Variants in CDKAL1 observed in about 807,000 individuals in gnomAD.
CDKAL1 encodes CDKAL1 threonylcarbamoyladenosine tRNA methylthiotransferase, also known as threonylcarbamoyladenosine tRNA methylthiotransferase.
CDKAL1 carries 32 observed loss-of-function variants against 68.2 expected under a neutral mutation model. The ratio of observed to expected loss-of-function variants is 0.47; its 90% CI spans 0.35 to 0.63. The LOEUF is 0.63. Among genes scored for constraint, CDKAL1 ranks in the 30% least tolerant of loss-of-function variants. The pLI is 0.00. For missense variants in CDKAL1, 606 were observed against 696.7 expected, an observed-to-expected ratio of 0.87 and a Z score of 1.47; for synonymous variants, 234 against 244.3, an observed-to-expected ratio of 0.96 and a Z score of 0.39.
At chr6:21,154,485 C>A (rs1195342801) in intron 13 of CDKAL1, among the ~76,000 whole-genome samples, 1 of 152,150 alleles carries the variant, frequency 6.6e-6, no homozygotes, top group Non-Finnish European at 1.5e-5. Flanking sequence ...TTATCAATAT[C>A]TGGATATATT....
intron 13 of CDKAL1, among the ~76,000 whole-genome samples, chr6:21,116,735 A>G (rs1375459151): frequency 6.6e-6 from 1 of 152,246 alleles, no homozygotes; most frequent in Non-Finnish European, 1.5e-5. Context: ...AAAGTTCATG[A>G]TGAAATCCTT....
At chr6:20,741,914 T>C (rs908456238) in intron 6 of CDKAL1, among the ~76,000 whole-genome samples, 1 of 152,160 alleles carries the variant, frequency 6.6e-6, no homozygotes, top group Non-Finnish European at 1.5e-5. Flanking sequence ...TGAACTAATT[T>C]ACACTCCCAC....
chr6:20,904,797 A>G (rs1762161303), intron 9 of CDKAL1, among the ~76,000 whole-genome samples: 1 of 152,112 alleles, frequency 6.6e-6, no homozygotes, highest in Admixed American at 6.5e-5. Flanking sequence ...CTCAAGAAAA[A>G]AAAAAAGAAA....
chr6:21,064,530 T>A (rs570103044), intron 11 of CDKAL1, among the ~76,000 whole-genome samples: 25 of 152,320 alleles, frequency 1.6e-4, no homozygotes, highest in Non-Finnish European at 2.8e-4. Context: ...CTAATTTTTT[T>A]AAAAAGAGAA....
At position 21,186,078 on chromosome 6, in the gene CDKAL1, G is replaced by T. The variant is rs189171069; in HGVS notation, c.1300-11943G>T. 6.2e-4 allele frequency among the ~76,000 whole-genome samples: 94 copies of T among 152,136 alleles called. 1 individual carries two copies. Among genetic ancestry groups the T allele is most frequent in the African/African-American group, 2.2e-3 (90 of 41,498 alleles). On this transcript the variant is annotated intron_variant, in intron 13 of 15. Coordinates refer to ENST00000274695, the MANE Select transcript of CDKAL1 (RefSeq NM_017774.3). ...GCTAAGCCAAGAAGTATGGGGGTGG[G>T]GCAGGGGGGGTCAGGAGAGAATAAT...
chr6:20,638,481 G>A (rs1372038449), intron 4 of CDKAL1, among the ~76,000 whole-genome samples: 1 of 152,156 alleles, frequency 6.6e-6, no homozygotes, highest in African/African-American at 2.4e-5. Flanking sequence ...AGATGGGCCT[G>A]GTGAGCAGTA....
chr6:21,085,874 T>G (rs1392481217), intron 12 of CDKAL1, among the ~76,000 whole-genome samples: 1 of 152,158 alleles, frequency 6.6e-6, no homozygotes, highest in Non-Finnish European at 1.5e-5. Context: ...GCTAATTGCA[T>G]CAGAGTGGAG....
intron 13 of CDKAL1, among the ~76,000 whole-genome samples, chr6:21,177,175 A>G (rs1777616844): frequency 6.6e-6 from 1 of 152,182 alleles, no homozygotes. Flanking sequence ...TTCTCAGTTA[A>G]TTTAAATAGA....
intron 13 of CDKAL1, among the ~76,000 whole-genome samples, chr6:21,116,247 C>T (rs542334591): frequency 5.7e-4 from 87 of 152,064 alleles, no homozygotes; most frequent in African/African-American, 1.9e-3. Flanking sequence ...GGCAGAAATT[C>T]GGTGCGCTTA....
intron 9 of CDKAL1, among the ~76,000 whole-genome samples, chr6:20,951,812 G>GA (rs902190707): frequency 9.9e-5 from 15 of 151,928 alleles, no homozygotes; most frequent in African/African-American, 3.1e-4. Context: ...TTGGATGCGT[G>GA]AAAAAACCCT....
intron 15 of CDKAL1, among the ~76,000 whole-genome samples, chr6:21,224,658 C>A (rs1779670848): frequency 6.6e-6 from 1 of 152,182 alleles, no homozygotes; most frequent in Admixed American, 6.5e-5. Flanking sequence ...TTCCCTGGAG[C>A]CTCCAGAAGA....
At chr6:20,900,638 T>C (rs1761916527) in intron 9 of CDKAL1, among the ~76,000 whole-genome samples, 1 of 152,252 alleles carries the variant, frequency 6.6e-6, no homozygotes, top group Admixed American at 6.5e-5. Context: ...CTGTCAGATA[T>C]GTCACTTTTA....
In CDKAL1 at chr6:20,569,701, T is replaced by G. The variant is rs372760411; in HGVS notation, c.286+20996T>G. Reference sequence around the variant, plus strand: ...AAATTTGGAGTTCTCTCCCTACCCCTGCAGCATTTTCCTTTGTGTGAAATT... The same window carrying G: ...AAATTTGGAGTTCTCTCCCTACCCCGGCAGCATTTTCCTTTGTGTGAAATT... On this transcript the variant is annotated intron_variant, in intron 4 of 15. Transcript: ENST00000274695. 3.9e-5 allele frequency among the ~76,000 whole-genome samples: 6 copies of G among 152,372 alleles called. No homozygotes were observed. In the East Asian group the frequency reaches 7.7e-4, roughly 20 times the overall value.
chr6:21,210,103 A>G (rs1363032098), intron 15 of CDKAL1, among the ~76,000 whole-genome samples: 1 of 152,230 alleles, frequency 6.6e-6, no homozygotes, highest in African/African-American at 2.4e-5. Flanking sequence ...AAAGTATTCT[A>G]GTTTGGATGA....
chr6:21,025,237 T>A (rs1768891209), intron 11 of CDKAL1, among the ~76,000 whole-genome samples: 1 of 152,182 alleles, frequency 6.6e-6, no homozygotes, highest in Admixed American at 6.5e-5. Context: ...TTCTCTTTAT[T>A]TTTTGGACTA....
At chr6:20,705,521 C>T (rs977795427) in intron 5 of CDKAL1, among the ~76,000 whole-genome samples, 3 of 152,044 alleles carry the variant, frequency 2.0e-5, no homozygotes, top group Admixed American at 6.6e-5. Context: ...TATTTAAATA[C>T]CATATAAAGA....
intron 4 of CDKAL1, among the ~76,000 whole-genome samples, chr6:20,566,814 T>C (rs1764480100): frequency 6.6e-6 from 1 of 152,154 alleles, no homozygotes; most frequent in Non-Finnish European, 1.5e-5. Flanking sequence ...GACCTTAAGG[T>C]AGCAGAGACC....
intron 4 of CDKAL1, among the ~76,000 whole-genome samples, chr6:20,580,616 T>C (rs1765104414): frequency 6.6e-6 from 1 of 152,194 alleles, no homozygotes; most frequent in South Asian, 2.1e-4. Flanking sequence ...ATAAAGTTCC[T>C]TTATTTTTAA....
chr6:21,003,361 T>C (rs1464397692), intron 11 of CDKAL1, among the ~76,000 whole-genome samples: 5 of 55,468 alleles, frequency 9.0e-5, no homozygotes, highest in African/African-American at 6.0e-4. Context: ...TATATATATA[T>C]ATATATATAT....
Sources: gnomAD v4.1 joint callset for allele counts (sites outside exome capture counted in the v4.1 genomes callset) on GRCh38, gnomAD v4.1.1 for gene constraint, MANE v1.5 for transcripts, NCBI Gene and HGNC (gene_info 2026-07-23, HGNC 2026-07-21) for gene names.